The following TRIP13 variants were observed in gnomAD, a reference collection of about 807,000 sequenced individuals.
TRIP13 encodes the protein pachytene checkpoint protein 2 homolog.
Under a neutral mutation model 54.4 loss-of-function variants are expected in TRIP13, and 25 were observed. The ratio of observed to expected loss-of-function variants is 0.46; its 90% CI spans 0.33 to 0.64. The LOEUF (loss-of-function observed/expected upper bound fraction) is 0.64, where lower values mean the gene tolerates loss of function less well. Among genes scored for constraint, TRIP13 ranks in the 30% least tolerant of loss-of-function variants. The pLI is 0.02. For synonymous variants in TRIP13, 207 were observed against 207.8 expected (o/e 1.00, Z 0.03); for missense variants, 373 against 534.2 (o/e 0.70, Z 2.97).
Position 917,785 on chromosome 5 carries a change from C to T in TRIP13, c.*682C>T, listed in dbSNP as rs913647264. 6.6e-6 allele frequency: 1 copy of T among 152,200 alleles called. No homozygotes were observed. Among genetic ancestry groups the T allele is most frequent in the East Asian group, 1.9e-4 (1 of 5,200 alleles). 9.4% of individuals were successfully genotyped at this position (152,200 alleles called of 1,614,324 possible). On this transcript the variant is annotated 3_prime_UTR_variant, in exon 13 of 13. Coordinates refer to ENST00000166345, the MANE Select transcript of TRIP13 (RefSeq NM_004237.4). The stretch of plus-strand genomic sequence containing the variant: ...GACATCCCTTGTAACCCGGTATGGG[C>T]GCCCCTGCATTGCTGGGATGTTTCT...
At chr5:900,470 G>A (rs781753712) in intron 3 of TRIP13, 24 bp from the exon 4 acceptor site, 4 of 1,613,082 alleles carry the variant, frequency 2.5e-6, no homozygotes, top group Non-Finnish European at 3.4e-6. Context: ...CCTGAAATCA[G>A]GTCTTTGTTT....
intron 6 of TRIP13, among the ~76,000 whole-genome samples, chr5:905,277 C>T (rs1754089918): frequency 1.3e-5 from 2 of 152,160 alleles, no homozygotes; most frequent in Admixed American, 6.5e-5. Context: ...GCACTCCTCT[C>T]AGCCTGTGTG....
At chr5:909,555 G>A (rs1379737622) in intron 9 of TRIP13, among the ~76,000 whole-genome samples, 5 of 152,070 alleles carry the variant, frequency 3.3e-5, no homozygotes, top group Non-Finnish European at 5.9e-5. Context: ...CAGCTCGGTC[G>A]GGGAGACCCT....
At chr5:902,243 T>G (rs73734404) in intron 5 of TRIP13, among the ~76,000 whole-genome samples, 3,014 of 152,310 alleles carry the variant, frequency 0.02, 103 homozygotes, top group African/African-American at 0.068. Context: ...ACACGGGAAT[T>G]GAGTGGACTC....
chr5:916,757 C>T (rs568372597), intron 12 of TRIP13, among the ~76,000 whole-genome samples: 1 of 152,154 alleles, frequency 6.6e-6, no homozygotes, highest in African/African-American at 2.4e-5. Context: ...TGCCCACCCC[C>T]GCAGCTGTTT....
chr5:897,011 CCTGG>C (rs976170203), intron 3 of TRIP13, among the ~76,000 whole-genome samples: 3 of 152,236 alleles, frequency 2.0e-5, no homozygotes, highest in African/African-American at 4.8e-5. Context: ...CCTTAGAGTT[CCTGG>C]CTAACGGAGA....
intron 12 of TRIP13, among the ~76,000 whole-genome samples, 161 bp downstream of exon 12, chr5:916,134 A>G (rs1754335975): frequency 6.6e-6 from 1 of 152,186 alleles, no homozygotes; most frequent in Non-Finnish European, 1.5e-5. Flanking sequence ...GCACCGAAAC[A>G]CAGGGGCTGT....
rs1006803510 is a variant in TRIP13 at position 896,925 on chromosome 5, T to C, written c.388+131T>C. The stretch of plus-strand genomic sequence containing the variant: ...GGATTTTAGGATGTTTTCTCTCTTA[T>C]GAAATGGAAAGTATATCACAAAAGA... On this transcript the variant is annotated intron_variant, in intron 3 of 12. Coordinates refer to ENST00000166345, the MANE Select transcript of TRIP13 (RefSeq NM_004237.4). The C allele has an allele frequency of 1.8e-5, 20 of 1,122,832 alleles. No individual in the cohort carries two copies. The East Asian group carries it at 3.5e-4, about 20-fold the overall frequency. 69.6% of individuals were successfully genotyped at this position (1,122,832 alleles called of 1,614,324 possible).
Position 908,409 on chromosome 5 carries a change from G to GAT in TRIP13, c.815_816dup (p.Ala273MetfsTer10). On this transcript the variant is annotated frameshift_variant, in exon 9 of 13. Coordinates refer to ENST00000166345, the MANE Select transcript of TRIP13 (RefSeq NM_004237.4). LOFTEE classifies it high-confidence loss of function. The surrounding 1 kb of genome is among the most constrained non-coding windows in gnomAD (Gnocchi z 5.2). ...CTGCAGGGCGGGCACCGAGCCATCA[G>GAT]ATGCCATCCGCGTGGTCAATGCTGT... The GAT allele has an allele frequency of 6.2e-7, 1 of 1,613,664 alleles. No homozygotes were observed. Among genetic ancestry groups the GAT allele is most frequent in the Non-Finnish European group, 8.5e-7 (1 of 1,180,038 alleles).
At chr5:894,264 C>T (rs185298569) in intron 1 of TRIP13, among the ~76,000 whole-genome samples, 2 of 152,128 alleles carry the variant, frequency 1.3e-5, no homozygotes, top group East Asian at 3.9e-4. Context: ...AGGTGTGATC[C>T]GGGACCAGGT....
At chr5:894,651 C>G in intron 1 of TRIP13, 136 bp from the exon 2 acceptor site, 1 of 1,013,394 alleles carries the variant, frequency 9.9e-7, no homozygotes, top group Non-Finnish European at 1.4e-6. Context: ...GATTTGGTCC[C>G]AGGCAGGCCA....
rs1754271800 is a variant in TRIP13, at chr5:912,971, T to G, written c.1020+975T>G. Among the ~76,000 whole-genome samples the G allele has an allele frequency of 6.6e-6, 1 of 152,162 alleles. No homozygotes were observed. Among genetic ancestry groups the G allele is most frequent in the Non-Finnish European group, 1.5e-5 (1 of 68,032 alleles). ...CACAGAGTAGGGGTGTTAACAAGGATGGCACACCCTGCTGTGGTTGGGGAC... is the reference window on the plus strand; with the variant it reads ...CACAGAGTAGGGGTGTTAACAAGGAGGGCACACCCTGCTGTGGTTGGGGAC... On this transcript the variant is annotated intron_variant, in intron 10 of 12. Coordinates refer to ENST00000166345, the MANE Select transcript of TRIP13 (RefSeq NM_004237.4). The surrounding 1 kb of genome is among the most constrained non-coding windows in gnomAD (Gnocchi z 7.2).
chr5:913,688 A>G lies in TRIP13; in HGVS notation c.1021-777A>G, dbSNP rs971164780. 6.6e-6 allele frequency among the ~76,000 whole-genome samples: 1 copy of G among 152,174 alleles called. No individual in the cohort carries two copies. The highest frequency in any genetic ancestry group is 1.5e-5 in the Non-Finnish European group (1 of 68,040). On this transcript the variant is annotated intron_variant, in intron 10 of 12. Coordinates refer to ENST00000166345, the MANE Select transcript of TRIP13 (RefSeq NM_004237.4). The surrounding 1 kb of genome is among the most constrained non-coding windows in gnomAD (Gnocchi z 4.5). ...TAGTTTCTTATTTTAGGCAGTTTAT[A>G]TGAAATTAAGACATGCAGATGTCAC... is the stretch of plus-strand genomic sequence containing the variant.
chr5:902,242 T>C (rs144106904), intron 5 of TRIP13, among the ~76,000 whole-genome samples: 22 of 152,332 alleles, frequency 1.4e-4, no homozygotes, highest in South Asian at 2.1e-4. Context: ...GACACGGGAA[T>C]TGAGTGGACT....
chr5:909,285 G>C (rs569025736), intron 9 of TRIP13, among the ~76,000 whole-genome samples: 2 of 152,302 alleles, frequency 1.3e-5, no homozygotes, highest in East Asian at 3.9e-4. Context: ...AGTGATGGGC[G>C]AGCCAGAACC....
At position 913,345 on chromosome 5, in the gene TRIP13, G is replaced by C. The variant is rs1046940702; in HGVS notation, c.1021-1120G>C. Among the ~76,000 whole-genome samples the C allele has an allele frequency of 1.3e-5, 2 of 152,082 alleles. No individual in the cohort carries two copies. Among genetic ancestry groups the C allele is most frequent in the Non-Finnish European group, 2.9e-5 (2 of 68,014 alleles). On this transcript the variant is annotated intron_variant, in intron 10 of 12. Transcript: ENST00000166345. This position sits in a 1 kb window ranked among gnomAD's most constrained non-coding sequence, Gnocchi z 4.5. ...ACTTTTTCTGGGACAGTGTAGGACA[G>C]GGGTAGTTTTTTGTTTGTTTGTTTA...
chr5:899,981 T>G (rs1261018), intron 3 of TRIP13, among the ~76,000 whole-genome samples: 2,060 of 138,146 alleles, frequency 0.015, 13 homozygotes, highest in South Asian at 0.023. Flanking sequence ...AGGGCTTCAT[T>G]CAGTCAGTGT....
chr5:914,652 G>T, intron 11 of TRIP13, 75 bp downstream of exon 11: 1 of 1,263,484 alleles, frequency 7.9e-7, no homozygotes, highest in Non-Finnish European at 1.1e-6. Context: ...TGTTTCCTTT[G>T]AGGAGACCAG....
intron 5 of TRIP13, among the ~76,000 whole-genome samples, chr5:902,622 C>G (rs534234404): frequency 6.6e-6 from 1 of 152,160 alleles, no homozygotes; most frequent in East Asian, 1.9e-4. Context: ...TGAGTTTTCT[C>G]CCCATGTGCA....
Sources: allele counts gnomAD v4.1 joint callset (sites outside exome capture counted in the v4.1 genomes callset), GRCh38; gene constraint gnomAD v4.1.1; non-coding constraint Gnocchi (gnomAD v3.1); transcripts MANE v1.5; gene names NCBI Gene and HGNC (gene_info 2026-07-23, HGNC 2026-07-21).